The following EML6 variants were observed in gnomAD, a reference collection of about 807,000 sequenced individuals.
EML6 encodes the protein EMAP like 6, also known as echinoderm microtubule-associated protein-like 6.
Under a neutral mutation model 240.1 loss-of-function variants are expected in EML6, and 154 were observed. The ratio of observed to expected loss-of-function variants is 0.64; its 90% CI spans 0.56 to 0.73. EML6 has a LOEUF of 0.73. Among genes scored for constraint, EML6 ranks in the 30% least tolerant of loss-of-function variants. The pLI is 0.00. For synonymous variants in EML6, 1,148 were observed against 899.0 expected (o/e 1.28, Z -4.95); for missense variants, 2,964 against 2,474.6 (o/e 1.20, Z -4.20).
chr2:54,894,452 A>G (rs1405304664), intron 19 of EML6, among the ~76,000 whole-genome samples: 3 of 152,262 alleles, frequency 2.0e-5, no homozygotes, highest in African/African-American at 4.8e-5. Flanking sequence ...GCTACTCTTA[A>G]TAAATAATGA....
intron 2 of EML6, among the ~76,000 whole-genome samples, chr2:54,768,645 T>C (rs1044138688): frequency 2.6e-5 from 4 of 152,226 alleles, no homozygotes; most frequent in African/African-American, 7.2e-5. Context: ...GCCCGGATTG[T>C]AGCCCAAGAT....
intron 24 of EML6, 113 bp downstream of exon 24, chr2:54,903,615 C>A: frequency 1.2e-6 from 1 of 856,370 alleles, no homozygotes; most frequent in Non-Finnish European, 1.7e-6. Flanking sequence ...AAGGGGAATC[C>A]CACAACAATA....
chr2:54,843,844 CA>C (rs34580151), intron 7 of EML6, among the ~76,000 whole-genome samples: 14,101 of 108,690 alleles, frequency 0.13, 950 homozygotes, highest in East Asian at 0.27. Context: ...GACTCCATCT[CA>C]AAAAAAAAAA....
At chr2:54,879,294 C>T (rs1671693618) in intron 16 of EML6, among the ~76,000 whole-genome samples, 1 of 152,220 alleles carries the variant, frequency 6.6e-6, no homozygotes, top group African/African-American at 2.4e-5. Context: ...TCTAGTCATG[C>T]ATTTCATTCA....
chr2:54,828,148 G>C (rs1418229762), intron 6 of EML6, among the ~76,000 whole-genome samples: 3 of 152,200 alleles, frequency 2.0e-5, no homozygotes, highest in Non-Finnish European at 2.9e-5. Flanking sequence ...CCCATAGTTT[G>C]AACAGGAAAG....
At chr2:54,850,452 A>T in intron 10 of EML6, 1 of 462,732 alleles carries the variant, frequency 2.2e-6, no homozygotes, top group Non-Finnish European at 3.9e-6. Flanking sequence ...GTTGCTGCAC[A>T]ACAAGGGAGA....
intron 17 of EML6, among the ~76,000 whole-genome samples, chr2:54,886,798 G>A (rs532770924): frequency 6.6e-6 from 1 of 152,000 alleles, no homozygotes; most frequent in African/African-American, 2.4e-5. Context: ...TTTGAATATA[G>A]GTCCCTTATC....
intron 2 of EML6, among the ~76,000 whole-genome samples, chr2:54,775,409 G>A (rs531347095): frequency 2.0e-5 from 3 of 152,128 alleles, no homozygotes; most frequent in East Asian, 3.9e-4. Context: ...GTTCTTTCCC[G>A]TGCCTGAAAC....
At chr2:54,896,255 A>G (rs190289527) in intron 21 of EML6, among the ~76,000 whole-genome samples, 15 of 152,252 alleles carry the variant, frequency 9.9e-5, no homozygotes, top group African/African-American at 3.4e-4. Flanking sequence ...AGTCCTGTCA[A>G]TCTGTCCGTC....
chr2:54,960,149 G>T, intron 34 of EML6, 71 bp from the exon 35 acceptor site: 2 of 1,113,904 alleles, frequency 1.8e-6, no homozygotes, highest in Non-Finnish European at 2.6e-6. Flanking sequence ...GGAAAGAGGG[G>T]AGAGGGCCGG....
At chr2:54,885,045 T>G (rs1672049628) in intron 17 of EML6, among the ~76,000 whole-genome samples, 1 of 151,990 alleles carries the variant, frequency 6.6e-6, no homozygotes, top group African/African-American at 2.4e-5. Context: ...TAGTCCCAGC[T>G]GCTTGGGAGG....
intron 28 of EML6, among the ~76,000 whole-genome samples, chr2:54,940,291 C>T (rs1198742315): frequency 2.0e-5 from 3 of 152,040 alleles, no homozygotes; most frequent in Non-Finnish European, 4.4e-5. Context: ...TGAACTGAAA[C>T]AAAAAGAAAG....
Position 54,924,670 on chromosome 2 carries a change from T to G in EML6, c.3676-3643T>G, listed in dbSNP as rs1418757858. 2.0e-5 allele frequency among the ~76,000 whole-genome samples: 3 copies of G among 152,338 alleles called. No homozygotes were observed. In the East Asian group the frequency reaches 5.8e-4, roughly 29 times the overall value. ...TCTGTCTCCTGGGTTCAAGTGATTC[T>G]CCTGCTTCAGCCTCCTGAATAGCTG... is the stretch of plus-strand genomic sequence containing the variant. On this transcript the variant is annotated intron_variant, in intron 26 of 41. Transcript: ENST00000356458.
intron 11 of EML6, among the ~76,000 whole-genome samples, chr2:54,858,402 A>G (rs753921699): frequency 2.0e-5 from 3 of 152,230 alleles, no homozygotes; most frequent in Admixed American, 6.5e-5. Context: ...TCTGTGAGGA[A>G]GGTATAAAGG....
chr2:54,850,005 A>C lies in EML6; in HGVS notation c.1231A>C (p.Ile411Leu), dbSNP rs767294365. ...VVHIKDRKEV[I>L]HEMKFSPDGS... Reference sequence around the variant, plus strand: ...TCACATCAAAGATCGAAAAGAAGTCATTCATGAAATGAAATTTTCTCCAGA... The same window carrying C: ...TCACATCAAAGATCGAAAAGAAGTCCTTCATGAAATGAAATTTTCTCCAGA... The change falls in exon 10 of 42, where the codon ATT becomes CTT. Residue 411 changes from isoleucine to leucine, a missense_variant. By Grantham distance (5) the Ile-to-Leu change is conservative. Coordinates refer to ENST00000356458, the MANE Select transcript of EML6 (RefSeq NM_001039753.4). 6.4e-7 allele frequency: 1 copy of C among 1,551,630 alleles called. No individual in the cohort carries two copies. The highest frequency in any genetic ancestry group is 1.2e-5 in the South Asian group (1 of 84,064).
chr2:54,958,040 C>T (rs1422109321), intron 33 of EML6, 42 bp downstream of exon 33: 1 of 1,509,346 alleles, frequency 6.6e-7, no homozygotes, highest in South Asian at 1.3e-5. Flanking sequence ...GACCCAGACC[C>T]CCTGGGCATG....
At chr2:54,899,139 A>G in intron 21 of EML6, among the ~76,000 whole-genome samples, 1 of 152,230 alleles carries the variant, frequency 6.6e-6, no homozygotes, top group East Asian at 1.9e-4. Context: ...CTACACATTC[A>G]AAGGACTAAA....
At chr2:54,919,089 C>T (rs948018731) in intron 26 of EML6, among the ~76,000 whole-genome samples, 5 of 152,114 alleles carry the variant, frequency 3.3e-5, no homozygotes, top group African/African-American at 9.7e-5. Flanking sequence ...TCTGTGGTCA[C>T]GTTTGAAGGC....
At chr2:54,901,762 C>T (rs753740235) in intron 22 of EML6, among the ~76,000 whole-genome samples, 6 of 152,184 alleles carry the variant, frequency 3.9e-5, no homozygotes, top group East Asian at 1.9e-4. Flanking sequence ...TAAAGAGGCT[C>T]GGTATTAAAT....
Sources: allele counts gnomAD v4.1 joint callset (sites outside exome capture counted in the v4.1 genomes callset), GRCh38; gene constraint gnomAD v4.1.1; transcripts MANE v1.5; gene names NCBI Gene and HGNC (gene_info 2026-07-23, HGNC 2026-07-21).